FURIN: variants seen among roughly 807,000 people sequenced by gnomAD.
FURIN encodes FES upstream region.
A neutral mutation model predicts 89.2 loss-of-function variants in FURIN; 18 were observed. The observed-to-expected ratio is 0.20, with a 90% CI of 0.14 to 0.30. The LOEUF (loss-of-function observed/expected upper bound fraction) is 0.30, where lower values mean the gene tolerates loss of function less well. Ranked by LOEUF, FURIN falls within the 10% of genes least tolerant of loss-of-function variation. FURIN has a pLI of 1.00. For synonymous variants in FURIN, 508 were observed against 466.4 expected (o/e 1.09, Z -1.15); for missense variants, 879 against 1,100.5 (o/e 0.80, Z 2.85).
chr15:90,871,990 G>T (rs1231333287), intron 1 of FURIN, among the ~76,000 whole-genome samples: 1 of 151,378 alleles, frequency 6.6e-6, no homozygotes, highest in East Asian at 2.0e-4. Flanking sequence ...GGCCCCTGCT[G>T]GGGGCGGGAT....
chr15:90,875,926 TC>T lies in FURIN; in HGVS notation c.177+14del. On this transcript the variant is annotated intron_variant, in intron 2 of 15. Transcript: ENST00000268171. The stretch of plus-strand genomic sequence containing the variant: ...TCCTCAACCTGGGCCAGGTAGGTGT[TC>T]CCCCACAGGACACTGCCAGGGGGTG... 1.9e-6 allele frequency: 3 copies of T among 1,572,050 alleles called. No individual in the cohort carries two copies. The highest frequency in any genetic ancestry group is 8.6e-7 in the Non-Finnish European group (1 of 1,159,282).
rs953610919 is a variant in FURIN, at chr15:90,876,162, G to A, written c.178-93G>A. 11 of 923,770 alleles carry A rather than the reference G, an allele frequency of 1.2e-5. No homozygotes were observed. Among genetic ancestry groups the A allele is most frequent in the African/African-American group, 1.1e-4 (7 of 61,080 alleles). 57.2% of individuals were successfully genotyped at this position (923,770 alleles called of 1,614,324 possible). A position where few individuals can be genotyped will look rare whatever the true frequency, so the allele number is the denominator to read the frequency against. On this transcript the variant is annotated intron_variant, in intron 2 of 15. Coordinates refer to ENST00000268171, the MANE Select transcript of FURIN (RefSeq NM_002569.4). This position sits in a 1 kb window ranked among gnomAD's most constrained non-coding sequence, Gnocchi z 5.0. ...GATGCCCCGCACCCCCGACCGTGGC[G>A]AGCCTCCCATGAAGCCGTTGTCCAC...
chr15:90,882,951 G>C lies in FURIN; in HGVS notation c.*1073G>C, dbSNP rs2032088105. 6.6e-6 allele frequency: 1 copy of C among 152,454 alleles called. No individual in the cohort carries two copies. The highest frequency in any genetic ancestry group is 1.5e-5 in the Non-Finnish European group (1 of 68,088). The allele number at this position is 152,454 out of a possible 1,614,324, so 9.4% of individuals were successfully genotyped here. ...TTGAGCCCCAAGTCCTGAAGAGGCG[G>C]GCCAGCCAGGCGGGCTCAAGGAAAG... On this transcript the variant is annotated 3_prime_UTR_variant, in exon 16 of 16. Transcript: ENST00000268171.
At chr15:90,870,006 C>T (rs1417110476) in intron 1 of FURIN, among the ~76,000 whole-genome samples, 4 of 152,210 alleles carry the variant, frequency 2.6e-5, no homozygotes, top group Non-Finnish European at 4.4e-5. Context: ...AGTTCCTTGG[C>T]GGAGGGGAAG....
intron 6 of FURIN, 81 bp from the exon 7 acceptor site, chr15:90,877,446 C>A: frequency 1.8e-6 from 2 of 1,122,502 alleles, no homozygotes; most frequent in Non-Finnish European, 2.6e-6. Context: ...ATGTGCGGAT[C>A]CCTCGTGCTC....
intron 13 of FURIN, 37 bp from the exon 14 acceptor site, chr15:90,880,654 G>A (rs760415882): frequency 1.9e-5 from 30 of 1,582,676 alleles, no homozygotes; most frequent in African/African-American, 4.1e-5. Flanking sequence ...TTGGGGTCCC[G>A]CAGAGGCCTC....
intron 1 of FURIN, among the ~76,000 whole-genome samples, chr15:90,872,418 G>T: frequency 6.6e-6 from 1 of 152,214 alleles, no homozygotes; most frequent in East Asian, 1.9e-4. Flanking sequence ...GGAGAGTGTT[G>T]GGATTCCTAT....
chr15:90,871,512 C>CTCT, intron 1 of FURIN: 2 of 148,822 alleles, frequency 1.3e-5, no homozygotes, highest in Admixed American at 1.3e-4. Flanking sequence ...GGAACGCGGG[C>CTCT]CCGCAGTCGG....
chr15:90,876,390 C>A lies in FURIN; in HGVS notation c.276+37C>A. 6.6e-7 allele frequency: 1 copy of A among 1,511,464 alleles called. No individual in the cohort carries two copies. Among genetic ancestry groups the A allele is most frequent in the Non-Finnish European group, 9.2e-7 (1 of 1,086,640 alleles). 93.6% of individuals were successfully genotyped at this position (1,511,464 alleles called of 1,614,324 possible). A position where few individuals can be genotyped will look rare whatever the true frequency, so the allele number is the denominator to read the frequency against. On this transcript the variant is annotated intron_variant, in intron 3 of 15. Transcript: ENST00000268171. The surrounding 1 kb of genome is among the most constrained non-coding windows in gnomAD (Gnocchi z 5.0). ...CCCAGCCCCCTCCTGCTGCCACCCT[C>A]CCCCTCCTGCTCTCAGGAGCCCCTC...
chr15:90,873,560 A>C (rs2031438190), intron 1 of FURIN, among the ~76,000 whole-genome samples: 1 of 151,568 alleles, frequency 6.6e-6, no homozygotes, highest in African/African-American at 2.4e-5. Context: ...AAGAGAGAGG[A>C]GAGAGATGAG....
chr15:90,872,124 G>C (rs1295645952), intron 1 of FURIN, among the ~76,000 whole-genome samples: 2 of 151,454 alleles, frequency 1.3e-5, no homozygotes, highest in African/African-American at 4.8e-5. Flanking sequence ...AGGAGCGGCC[G>C]GGGGCGAGGC....
In FURIN at chr15:90,882,382, G is replaced by A. The variant is rs1297202038; in HGVS notation, c.*504G>A. 6.1e-6 allele frequency: 1 copy of A among 165,070 alleles called. No homozygotes were observed. Among genetic ancestry groups the A allele is most frequent in the East Asian group, 1.9e-4 (1 of 5,334 alleles). The allele number at this position is 165,070 out of a possible 1,614,324, so 10.2% of individuals were successfully genotyped here. On this transcript the variant is annotated 3_prime_UTR_variant, in exon 16 of 16. Transcript: ENST00000268171. The stretch of plus-strand genomic sequence containing the variant: ...GTCTTGGCGGCAGCAGCCATCATAG[G>A]AAGGGACCAAGGCAAGGCAGGTGCC...
In FURIN at chr15:90,876,851, A is replaced by G; in HGVS notation, c.373-45A>G. On this transcript the variant is annotated intron_variant, in intron 4 of 15. Transcript: ENST00000268171. This position sits in a 1 kb window ranked among gnomAD's most constrained non-coding sequence, Gnocchi z 5.0. ...TTCTTCAAGATGCTCCTAGCCTCAC[A>G]AAACCAATCATGTCTCATAAGTGAT... The G allele has an allele frequency of 1.9e-6, 3 of 1,606,820 alleles. No individual in the cohort carries two copies. The highest frequency in any genetic ancestry group is 2.6e-6 in the Non-Finnish European group (3 of 1,174,178).
At position 90,881,629 on chromosome 15, in the gene FURIN, C is replaced by T. The variant is rs2151229522; in HGVS notation, c.2136C>T (p.His712=). 6.3e-7 allele frequency: 1 copy of T among 1,595,774 alleles called. No homozygotes were observed. The highest frequency in any genetic ancestry group is 1.3e-5 in the African/African-American group (1 of 74,642). ...QRLRAGLLPS[H]LPEVVAGLSC... ...TGCGGGCAGGGCTGCTGCCCTCACA[C>T]CTGCCTGAGGTGGTGGCCGGCCTCA... Residue 712 remains histidine (H), a synonymous_variant, in exon 16 of 16, where the codon CAC becomes CAT. Transcript: ENST00000268171. This position sits in a 1 kb window ranked among gnomAD's most constrained non-coding sequence, Gnocchi z 4.3.
Position 90,876,750 on chromosome 15 carries a change from A to T in FURIN, c.373-146A>T, listed in dbSNP as rs958469764. On this transcript the variant is annotated intron_variant, in intron 4 of 15. Coordinates refer to ENST00000268171, the MANE Select transcript of FURIN (RefSeq NM_002569.4). The surrounding 1 kb of genome is among the most constrained non-coding windows in gnomAD (Gnocchi z 5.0). The stretch of plus-strand genomic sequence containing the variant: ...CCCTCCCAGAGTCCTCTACATTCCC[A>T]TGGAGTCCAGACAGCCAGTGGCGGC... The T allele has an allele frequency of 2.1e-6, 2 of 938,004 alleles. No homozygotes were observed. Among genetic ancestry groups the T allele is most frequent in the African/African-American group, 1.6e-5 (1 of 61,142 alleles). The allele number at this position is 938,004 out of a possible 1,614,324, so 58.1% of individuals were successfully genotyped here. A position where few individuals can be genotyped will look rare whatever the true frequency, so the allele number is the denominator to read the frequency against.
chr15:90,876,186 ACCCCCGT>A lies in FURIN; in HGVS notation c.178-62_178-56del. On this transcript the variant is annotated intron_variant, in intron 2 of 15. Coordinates refer to ENST00000268171, the MANE Select transcript of FURIN (RefSeq NM_002569.4). The surrounding 1 kb of genome is among the most constrained non-coding windows in gnomAD (Gnocchi z 5.0). ...CGAGCCTCCCATGAAGCCGTTGTCC[ACCCCCGT>A]CCCCCGCCTCCCGGGGACTGACAGA... The A allele has an allele frequency of 1.9e-6, 2 of 1,069,094 alleles. No homozygotes were observed. The highest frequency in any genetic ancestry group is 2.8e-6 in the Non-Finnish European group (2 of 711,776). The allele number at this position is 1,069,094 out of a possible 1,614,324, so 66.2% of individuals were successfully genotyped here.
Position 90,876,564 on chromosome 15 carries a change from G to A in FURIN, c.372+7G>A. ...TCCTCAGCAGTGGTACCTGGTACGTGGCCTTCTTCGCTGCTGGGACCTCCT... is the reference window on the plus strand; with the variant it reads ...TCCTCAGCAGTGGTACCTGGTACGTAGCCTTCTTCGCTGCTGGGACCTCCT... On this transcript the variant is annotated splice_region_variant and intron_variant, in intron 4 of 15. Transcript: ENST00000268171. This position sits in a 1 kb window ranked among gnomAD's most constrained non-coding sequence, Gnocchi z 5.0. 3 of 1,580,874 alleles carry A rather than the reference G, an allele frequency of 1.9e-6. No homozygotes were observed. The highest frequency in any genetic ancestry group is 2.6e-6 in the Non-Finnish European group (3 of 1,149,902).
At position 90,881,400 on chromosome 15, in the gene FURIN, T is replaced by A. The variant is rs1179196665; in HGVS notation, c.1907T>A (p.Ile636Asn). 17 of 1,612,396 alleles carry A rather than the reference T, an allele frequency of 1.1e-5. No individual in the cohort carries two copies. In the East Asian group the frequency reaches 3.6e-4, roughly 34 times the overall value. ...AGCACCGAGAATGACGTGGAGACCA[T>A]CCGGGCCAGCGTCTGCGCCCCCTGC... Reference protein sequence around the residue: ...HYSTENDVETIRASVCAPCHA... With the variant: ...HYSTENDVETNRASVCAPCHA... The change falls in exon 16 of 16, where the codon ATC (isoleucine) becomes AAC (asparagine). Residue 636 changes from isoleucine to asparagine, a missense_variant. Physicochemically the swap from Ile to Asn is moderately radical, Grantham distance 149. Coordinates refer to ENST00000268171, the MANE Select transcript of FURIN (RefSeq NM_002569.4). This position sits in a 1 kb window ranked among gnomAD's most constrained non-coding sequence, Gnocchi z 4.3.
At chr15:90,871,917 C>T (rs1371646574) in intron 1 of FURIN, among the ~76,000 whole-genome samples, 1 of 151,342 alleles carries the variant, frequency 6.6e-6, no homozygotes, top group Non-Finnish European at 1.5e-5. Flanking sequence ...GCCCCCCGGC[C>T]GTGGCTGGTA....
Sources: allele counts gnomAD v4.1 joint callset (sites outside exome capture counted in the v4.1 genomes callset), GRCh38; gene constraint gnomAD v4.1.1; non-coding constraint Gnocchi (gnomAD v3.1); transcripts MANE v1.5; gene names NCBI Gene and HGNC (gene_info 2026-07-23, HGNC 2026-07-21).